The following ATAD2B variants were observed in gnomAD, a reference collection of about 807,000 sequenced individuals.
The protein encoded by ATAD2B is ATPase family AAA domain containing 2B.
Under a neutral mutation model 167.6 loss-of-function variants are expected in ATAD2B, and 40 were observed. The observed-to-expected ratio is 0.24, with a 90% CI of 0.19 to 0.31. ATAD2B has a LOEUF of 0.31. Among genes scored for constraint, ATAD2B ranks in the 10% least tolerant of loss-of-function variants. ATAD2B has a pLI of 1.00. For missense variants in ATAD2B, 1,242 were observed against 1,757.2 expected (o/e 0.71, Z 5.24); for synonymous variants, 579 against 596.5 (o/e 0.97, Z 0.43).
At chr2:23,892,846 G>A (rs1208067566) in intron 2 of ATAD2B, among the ~76,000 whole-genome samples, 2 of 152,040 alleles carry the variant, frequency 1.3e-5, no homozygotes, top group African/African-American at 2.4e-5. Flanking sequence ...ATATATATCA[G>A]GTTAAATAAA....
intron 1 of ATAD2B, among the ~76,000 whole-genome samples, chr2:23,914,996 T>C (rs963373580): frequency 2.6e-5 from 4 of 152,196 alleles, no homozygotes; most frequent in African/African-American, 9.7e-5. Context: ...ACAAGGGACA[T>C]TGCATCAGGG....
At chr2:23,852,430 C>T (rs939639031) in intron 13 of ATAD2B, among the ~76,000 whole-genome samples, 9 of 152,002 alleles carry the variant, frequency 5.9e-5, no homozygotes, top group Non-Finnish European at 1.0e-4. Context: ...CAGTGTATAT[C>T]TCATCTAATA....
intron 10 of ATAD2B, among the ~76,000 whole-genome samples, chr2:23,866,959 G>T (rs1695228488): frequency 6.6e-6 from 1 of 152,092 alleles, no homozygotes; most frequent in Non-Finnish European, 1.5e-5. Context: ...CGAGTCTTGT[G>T]CCTGTTTTTG....
chr2:23,925,565 T>C (rs756937024), intron 1 of ATAD2B, among the ~76,000 whole-genome samples: 1 of 152,200 alleles, frequency 6.6e-6, no homozygotes, highest in African/African-American at 2.4e-5. Flanking sequence ...CAACCTCTTT[T>C]AGACAGAAGC....
At chr2:23,759,971 C>T (rs1291690276) in intron 24 of ATAD2B, among the ~76,000 whole-genome samples, 1 of 152,214 alleles carries the variant, frequency 6.6e-6, no homozygotes, top group Non-Finnish European at 1.5e-5. Context: ...ATTCTGCAAC[C>T]ATGTAACTGA....
chr2:23,809,523 G>T (rs1039611562), intron 18 of ATAD2B, among the ~76,000 whole-genome samples: 1 of 152,138 alleles, frequency 6.6e-6, no homozygotes, highest in African/African-American at 2.4e-5. Context: ...AAAATTGTGT[G>T]AAATGTTTTA....
intron 1 of ATAD2B, among the ~76,000 whole-genome samples, chr2:23,918,799 A>G (rs1703455189): frequency 6.6e-6 from 1 of 152,246 alleles, no homozygotes; most frequent in African/African-American, 2.4e-5. Flanking sequence ...AGATGAAACA[A>G]GATATACAAG....
the ATAD2B span, among the ~76,000 whole-genome samples, chr2:23,718,878 C>T: frequency 3.9e-5 from 6 of 152,060 alleles, no homozygotes; most frequent in African/African-American, 1.4e-4. Flanking sequence ...CTGCTTTGGC[C>T]ATCACAGCTC....
chr2:23,884,038 A>C (rs1698341697), intron 6 of ATAD2B, among the ~76,000 whole-genome samples: 1 of 152,046 alleles, frequency 6.6e-6, no homozygotes, highest in Non-Finnish European at 1.5e-5. Context: ...TAGGTACTCG[A>C]AAGGCTGAGG....
At chr2:23,768,376 G>A (rs1056520322) in intron 22 of ATAD2B, among the ~76,000 whole-genome samples, 1 of 151,926 alleles carries the variant, frequency 6.6e-6, no homozygotes, top group South Asian at 2.1e-4. Context: ...TCTCCACTCT[G>A]ACTCATTCCC....
intron 22 of ATAD2B, among the ~76,000 whole-genome samples, chr2:23,769,035 G>GA (rs1289135717): frequency 2.0e-5 from 3 of 152,184 alleles, no homozygotes; most frequent in Non-Finnish European, 4.4e-5. Context: ...CTAAGGGGTG[G>GA]AATGGCTAGG....
At chr2:23,889,676 T>C (rs1275392568) in intron 2 of ATAD2B, among the ~76,000 whole-genome samples, 2 of 151,882 alleles carry the variant, frequency 1.3e-5, no homozygotes, top group East Asian at 2.0e-4. Context: ...TCCCAGCACT[T>C]TGAGAGGCCG....
intron 2 of ATAD2B, among the ~76,000 whole-genome samples, chr2:23,888,657 A>C (rs1416895583): frequency 6.6e-6 from 1 of 151,802 alleles, no homozygotes; most frequent in African/African-American, 2.4e-5. Flanking sequence ...ATCAAAACCC[A>C]AAAAAAAGGC....
At chr2:23,913,767 G>C (rs185596304) in intron 1 of ATAD2B, among the ~76,000 whole-genome samples, 5 of 152,192 alleles carry the variant, frequency 3.3e-5, no homozygotes, top group Admixed American at 1.3e-4. Context: ...GGAGAAACTT[G>C]TCCTTTAAGA....
chr2:23,795,825 G>A (rs938019028), intron 19 of ATAD2B, among the ~76,000 whole-genome samples: 11 of 151,448 alleles, frequency 7.3e-5, no homozygotes, highest in African/African-American at 9.7e-5. Flanking sequence ...GTTGCAGTGA[G>A]CCAAGATCAC....
At chr2:23,703,491 C>G in the ATAD2B span, 1 of 1,108,004 alleles carries the variant, frequency 9.0e-7, no homozygotes, top group Non-Finnish European at 1.2e-6. Context: ...TCTGCAGACC[C>G]AGATCTAGAG....
rs1180635721 is a variant in ATAD2B at position 23,816,042 on chromosome 2, C to T, written c.2267+3705G>A. The stretch of plus-strand genomic sequence containing the variant: ...GAACATGATGGGCACTTTTACAAAA[C>T]ATTTGAATGAGTGAATGAATATATG... On this transcript the variant is annotated intron_variant, in intron 17 of 27. Coordinates refer to ENST00000238789, the MANE Select transcript of ATAD2B (RefSeq NM_017552.4). Among the ~76,000 whole-genome samples, 3 of 152,176 alleles carry T rather than the reference C, an allele frequency of 2.0e-5. No individual in the cohort carries two copies. The East Asian group carries it at 5.8e-4, about 29-fold the overall frequency.
Position 23,926,620 on chromosome 2 carries a change from C to A in ATAD2B, c.151G>T (p.Ala51Ser), listed in dbSNP as rs867323640. The change falls in exon 1 of 28, where the codon GCC (alanine) becomes TCC (serine). Residue 51 changes from alanine (A) to serine (S), a missense_variant. By Grantham distance (99) the Ala-to-Ser change is moderately conservative. Coordinates refer to ENST00000238789, the MANE Select transcript of ATAD2B (RefSeq NM_017552.4). The part of the protein sequence containing the change: ...SRTRSSKTRA[A>S]SCPAAKAGGS... ...CCGGCTTTGGCGGCGGGGCAGCTGG[C>A]GGCGCGGGTCTTGGAGGAGCGGGTC... The A allele has an allele frequency of 5.8e-6, 9 of 1,563,434 alleles. No homozygotes were observed. Among genetic ancestry groups the A allele is most frequent in the Non-Finnish European group, 6.9e-6 (8 of 1,155,558 alleles).
chr2:23,833,562 A>G (rs891974773), intron 14 of ATAD2B, among the ~76,000 whole-genome samples: 2 of 152,172 alleles, frequency 1.3e-5, no homozygotes, highest in Non-Finnish European at 2.9e-5. Context: ...TTATTCATAA[A>G]CCCACTAATA....
Sources: allele counts gnomAD v4.1 joint callset (sites outside exome capture counted in the v4.1 genomes callset), GRCh38; gene constraint gnomAD v4.1.1; transcripts MANE v1.5; gene names NCBI Gene and HGNC (gene_info 2026-07-23, HGNC 2026-07-21).